CALN1: variants seen among roughly 807,000 people sequenced by gnomAD.
The protein encoded by CALN1 is calcium-binding protein 8.
In CALN1, 17 loss-of-function variants were observed where a neutral mutation model predicts 30.6. The ratio of observed to expected loss-of-function variants is 0.56; its 90% CI spans 0.38 to 0.83. CALN1 has a LOEUF of 0.83. CALN1 is among the 40% of genes least tolerant of loss of function. The probability of loss-of-function intolerance (pLI) is 0.00; values close to 1 mark genes in which losing one functional copy is unlikely to be tolerated. For missense variants in CALN1, 291 were observed against 354.9 expected, an observed-to-expected ratio of 0.82 and a Z score of 1.45; for synonymous variants, 156 against 131.4, an observed-to-expected ratio of 1.19 and a Z score of -1.28.
chr7:72,460,882 C>T, the CALN1 span, among the ~76,000 whole-genome samples: 1 of 152,272 alleles, frequency 6.6e-6, no homozygotes, highest in South Asian at 2.1e-4. Flanking sequence ...CACGGCAGGA[C>T]AGACAGCTTT....
chr7:72,132,129 A>G (rs756094683), intron 3 of CALN1, among the ~76,000 whole-genome samples: 19 of 152,148 alleles, frequency 1.2e-4, no homozygotes, highest in Non-Finnish European at 2.2e-4. Flanking sequence ...TGCCCCCTCA[A>G]CTTAGGATAA....
intron 1 of CALN1, among the ~76,000 whole-genome samples, chr7:72,406,188 G>A (rs1425287059): frequency 6.6e-6 from 1 of 152,182 alleles, no homozygotes; most frequent in East Asian, 1.9e-4. Flanking sequence ...CCCAGTCACA[G>A]CTGCCTGCTG....
At chr7:72,409,948 T>C (rs896246080) in intron 1 of CALN1, among the ~76,000 whole-genome samples, 1 of 152,236 alleles carries the variant, frequency 6.6e-6, no homozygotes, top group African/African-American at 2.4e-5. Context: ...ATAATGGTTT[T>C]CCCCTTGGTC....
At chr7:72,286,116 G>A (rs922379042) in intron 2 of CALN1, among the ~76,000 whole-genome samples, 3 of 152,118 alleles carry the variant, frequency 2.0e-5, no homozygotes, top group Admixed American at 6.6e-5. Context: ...AGTCAGAGAC[G>A]GAATAACAGA....
chr7:72,434,999 G>T (rs566787835), intron 1 of CALN1, among the ~76,000 whole-genome samples: 27 of 152,200 alleles, frequency 1.8e-4, no homozygotes, highest in Non-Finnish European at 4.0e-4. Flanking sequence ...GGCCAAGGTG[G>T]AAGGATTACT....
intron 4 of CALN1, among the ~76,000 whole-genome samples, chr7:72,058,919 A>G (rs1803462163): frequency 6.6e-6 from 1 of 152,200 alleles, no homozygotes; most frequent in Non-Finnish European, 1.5e-5. Flanking sequence ...CCAGCTGTCA[A>G]CAGGAGGAAG....
At chr7:71,960,044 G>A (rs746811918) in intron 5 of CALN1, among the ~76,000 whole-genome samples, 3 of 151,574 alleles carry the variant, frequency 2.0e-5, no homozygotes, top group East Asian at 1.9e-4. Flanking sequence ...TGAGGGAGGA[G>A]AATCATTGAA....
At chr7:72,294,569 G>T (rs897984488) in intron 2 of CALN1, among the ~76,000 whole-genome samples, 1 of 151,980 alleles carries the variant, frequency 6.6e-6, no homozygotes, top group Non-Finnish European at 1.5e-5. Flanking sequence ...GGGCAACACA[G>T]CGAAACCTCA....
At position 72,159,155 on chromosome 7, in the gene CALN1, A is replaced by G. The variant is rs568138043; in HGVS notation, c.245-52861T>C. 4.6e-5 allele frequency among the ~76,000 whole-genome samples: 7 copies of G among 152,188 alleles called. No individual in the cohort carries two copies. The South Asian group carries it at 1.5e-3, about 32-fold the overall frequency. On this transcript the variant is annotated intron_variant, in intron 3 of 6. Transcript: ENST00000395275. ...GCATGAGCCACTGAGCCTGGCTGTT[A>G]TTATGTGAGATTTTTAAAGAAACAA...
chr7:72,397,710 T>TCACACACACACACACACACACACA (rs1286894513), intron 2 of CALN1, among the ~76,000 whole-genome samples: 6 of 57,298 alleles, frequency 1.0e-4, no homozygotes, highest in Non-Finnish European at 2.0e-4. Flanking sequence ...GCACCCATTC[T>TCACACACACACACACACACACACA]CTCTCACACA....
chr7:72,265,112 C>T (rs189150947), intron 3 of CALN1, among the ~76,000 whole-genome samples: 12 of 152,322 alleles, frequency 7.9e-5, no homozygotes, highest in East Asian at 5.8e-4. Flanking sequence ...TGAGCCACCA[C>T]GCCCAAGCTA....
At chr7:72,306,525 G>A (rs1799663417) in intron 2 of CALN1, among the ~76,000 whole-genome samples, 1 of 150,632 alleles carries the variant, frequency 6.6e-6, no homozygotes, top group South Asian at 2.1e-4. Context: ...GGTGTACTTG[G>A]TTTCTCCAGT....
intron 2 of CALN1, among the ~76,000 whole-genome samples, chr7:72,363,555 A>G (rs1803692340): frequency 6.8e-6 from 1 of 148,092 alleles, no homozygotes; most frequent in Non-Finnish European, 1.5e-5. Context: ...TAAAAAGACA[A>G]ATGCACATAA....
intron 2 of CALN1, among the ~76,000 whole-genome samples, chr7:72,397,909 GCTGCATC>G (rs1806086935): frequency 6.6e-6 from 1 of 152,114 alleles, no homozygotes; most frequent in South Asian, 2.1e-4. Flanking sequence ...GGTACCCACT[GCTGCATC>G]CTGCTAGCAT....
Position 72,054,510 on chromosome 7 carries a change from CATATATAT to C in CALN1, c.389-30749_389-30742del, listed in dbSNP as rs202066538. Among the ~76,000 whole-genome samples the C allele has an allele frequency of 1.1e-3, 93 of 82,548 alleles. 4 individuals are homozygous for C. In the East Asian group the frequency reaches 0.05, roughly 44 times the overall value. 54.2% of individuals were successfully genotyped at this position (82,548 alleles called of 152,430 possible). The stretch of plus-strand genomic sequence containing the variant: ...ATATATACATATATACATATATATA[CATATATAT>C]ACATATATACATACATATATATATA... On this transcript the variant is annotated intron_variant, in intron 4 of 6. Transcript: ENST00000395275.
chr7:72,038,778 G>A (rs1471697591), intron 4 of CALN1, among the ~76,000 whole-genome samples: 1 of 152,132 alleles, frequency 6.6e-6, no homozygotes, highest in Non-Finnish European at 1.5e-5. Flanking sequence ...TGCCATGACA[G>A]TTTACAAATG....
chr7:72,408,822 C>T (rs1033319853), intron 1 of CALN1, among the ~76,000 whole-genome samples: 2 of 151,578 alleles, frequency 1.3e-5, no homozygotes, highest in Admixed American at 6.6e-5. Context: ...GGACTACAGG[C>T]GGGCACCATC....
intron 2 of CALN1, among the ~76,000 whole-genome samples, chr7:72,323,678 A>ATG (rs1278332923): frequency 9.2e-6 from 1 of 108,752 alleles, no homozygotes; most frequent in Non-Finnish European, 2.4e-5. Flanking sequence ...AAAAAAATAA[A>ATG]AAATAAAGAG....
At chr7:71,802,059 C>T (rs1210593239) in intron 6 of CALN1, among the ~76,000 whole-genome samples, 1 of 152,110 alleles carries the variant, frequency 6.6e-6, no homozygotes, top group Admixed American at 6.6e-5. Context: ...ATGACCAGCA[C>T]TTGGCAGGCA....
Sources: gnomAD v4.1 joint callset for allele counts (sites outside exome capture counted in the v4.1 genomes callset) on GRCh38, gnomAD v4.1.1 for gene constraint, MANE v1.5 for transcripts, NCBI Gene and HGNC (gene_info 2026-07-23, HGNC 2026-07-21) for gene names.